Variants in FARS2 observed in about 807,000 individuals in gnomAD.
FARS2 encodes the protein phenylalanine--tRNA ligase, mitochondrial.
In FARS2, 40 loss-of-function variants were observed where a neutral mutation model predicts 46.4. That is an observed-to-expected ratio of 0.86 (90% CI 0.67 to 1.12). The LOEUF (loss-of-function observed/expected upper bound fraction) is 1.12. FARS2 is among the 50% of genes most tolerant of loss of function. FARS2 has a pLI of 0.00. For synonymous variants in FARS2, 234 were observed against 214.9 expected (o/e 1.09, Z -0.78); for missense variants, 513 against 567.9 (o/e 0.90, Z 0.98).
rs555962893 is a variant in FARS2, at chr6:5,745,871, CAG to C, written c.1218-25419_1218-25418del. Among the ~76,000 whole-genome samples the C allele has an allele frequency of 3.2e-3, 482 of 152,234 alleles. 3 individuals are homozygous for C. Among genetic ancestry groups the C allele is most frequent in the African/African-American group, 0.011 (461 of 41,526 alleles). ...TAGATCTTTACAGCCACCTTTATAT[CAG>C]GGGGAGCCCTCTGTGACCCTGTGTG... On this transcript the variant is annotated intron_variant, in intron 6 of 6. Coordinates refer to ENST00000274680, the MANE Select transcript of FARS2 (RefSeq NM_006567.5).
chr6:5,663,033 G>A (rs1046213588), intron 6 of FARS2, among the ~76,000 whole-genome samples: 4 of 152,102 alleles, frequency 2.6e-5, no homozygotes, highest in African/African-American at 9.7e-5. Context: ...CTGCCTCCAC[G>A]TGTTGCAGTT....
At position 5,368,961 on chromosome 6, in the gene FARS2, A is replaced by G; in HGVS notation, c.391A>G (p.Ile131Val). ...CTGGCAGAACTTTGACAGCCTGCTC[A>G]TCCCAGCTGATCACCCCAGCAGGAA... ...TTWQNFDSLL[I>V]PADHPSRKKG... Residue 131 changes from isoleucine to valine, a missense_variant, in exon 2 of 7, where the codon ATC becomes GTC. Physicochemically the swap from Ile to Val is conservative, Grantham distance 29. Coordinates refer to ENST00000274680, the MANE Select transcript of FARS2 (RefSeq NM_006567.5). 1 of 1,614,110 alleles carries G rather than the reference A, an allele frequency of 6.2e-7. No homozygotes were observed. The highest frequency in any genetic ancestry group is 8.5e-7 in the Non-Finnish European group (1 of 1,180,006).
intron 6 of FARS2, among the ~76,000 whole-genome samples, chr6:5,674,977 C>T (rs1326120137): frequency 6.6e-6 from 1 of 152,114 alleles, no homozygotes; most frequent in African/African-American, 2.4e-5. Flanking sequence ...CTGTAGTTTC[C>T]TTTTTACTAC....
At chr6:5,251,136 G>C in the FARS2 span, among the ~76,000 whole-genome samples, 3 of 152,124 alleles carry the variant, frequency 2.0e-5, no homozygotes, top group African/African-American at 7.2e-5. Flanking sequence ...TCTTGTGTTT[G>C]ATTCCACCTA....
chr6:5,325,500 A>G (rs1445215252), intron 1 of FARS2, among the ~76,000 whole-genome samples: 1 of 152,212 alleles, frequency 6.6e-6, no homozygotes, highest in Non-Finnish European at 1.5e-5. Context: ...CCAAGCTTCA[A>G]GCACAAAGAA....
chr6:5,570,533 A>G (rs1772579280), intron 5 of FARS2, among the ~76,000 whole-genome samples: 1 of 152,176 alleles, frequency 6.6e-6, no homozygotes. Flanking sequence ...CCAGTTTTGT[A>G]TGAGTTTCTT....
chr6:5,523,605 A>G (rs1474291122), intron 4 of FARS2, among the ~76,000 whole-genome samples: 5 of 152,196 alleles, frequency 3.3e-5, no homozygotes, highest in African/African-American at 1.2e-4. Flanking sequence ...CAGCCGCTGC[A>G]TCAGACCTTA....
At chr6:5,257,275 C>T (rs1285629245), upstream of FARS2, among the ~76,000 whole-genome samples, 2 of 152,148 alleles carry the variant, frequency 1.3e-5, no homozygotes, top group African/African-American at 2.4e-5. Flanking sequence ...ATCATACTTA[C>T]CTCCCTGGCA....
intron 5 of FARS2, among the ~76,000 whole-genome samples, chr6:5,576,586 ACT>A (rs1772984985): frequency 6.8e-6 from 1 of 146,792 alleles, no homozygotes; most frequent in Non-Finnish European, 1.5e-5. Flanking sequence ...TATGATATAT[ACT>A]CTATATATGA....
chr6:5,436,005 C>G (rs182026864), intron 4 of FARS2, among the ~76,000 whole-genome samples: 1 of 151,930 alleles, frequency 6.6e-6, no homozygotes, highest in Non-Finnish European at 1.5e-5. Context: ...AAGGCTATAG[C>G]GAAGTGAATC....
intron 2 of FARS2, among the ~76,000 whole-genome samples, chr6:5,379,042 C>T (rs184873010): frequency 1.3e-4 from 20 of 152,308 alleles, no homozygotes; most frequent in African/African-American, 4.6e-4. Flanking sequence ...TCATCACTGC[C>T]TTGTAGCAGT....
At chr6:5,622,964 G>T (rs906142011) in intron 6 of FARS2, among the ~76,000 whole-genome samples, 2 of 152,164 alleles carry the variant, frequency 1.3e-5, no homozygotes, top group Admixed American at 6.5e-5. Context: ...ACTGGAAATA[G>T]TTTATGAGAA....
chr6:5,256,714 T>C (rs190014876), upstream of FARS2, among the ~76,000 whole-genome samples: 4 of 152,144 alleles, frequency 2.6e-5, no homozygotes, highest in Admixed American at 2.6e-4. Context: ...CAGAGCCCTG[T>C]GATTAACTAC....
chr6:5,450,692 T>G (rs1464125138), intron 4 of FARS2, among the ~76,000 whole-genome samples: 2 of 12,188 alleles, frequency 1.6e-4, no homozygotes, highest in African/African-American at 4.4e-4. Context: ...GTGTGGGAGG[T>G]AGTGTGCCGC....
At chr6:5,344,559 C>T (rs763515169) in intron 1 of FARS2, among the ~76,000 whole-genome samples, 2 of 152,128 alleles carry the variant, frequency 1.3e-5, no homozygotes, top group Non-Finnish European at 1.5e-5. Flanking sequence ...CTCCTTGAAG[C>T]CTTTGTGTGT....
intron 6 of FARS2, among the ~76,000 whole-genome samples, chr6:5,729,964 C>T (rs558548504): frequency 3.9e-5 from 6 of 152,252 alleles, no homozygotes; most frequent in South Asian, 4.2e-4. Context: ...CAGGAGCAGC[C>T]CCCTGACCCC....
chr6:5,659,593 A>G (rs1371987464), intron 6 of FARS2, among the ~76,000 whole-genome samples: 1 of 152,180 alleles, frequency 6.6e-6, no homozygotes, highest in African/African-American at 2.4e-5. Context: ...CTGTCTCTCC[A>G]TGTATCCATT....
rs200888908 is a variant in FARS2 at position 5,571,399 on chromosome 6, AT to A, written c.1065+26061del. Among the ~76,000 whole-genome samples the A allele has an allele frequency of 6.5e-3, 996 of 152,360 alleles. 12 individuals carry two copies. The highest frequency in any genetic ancestry group is 0.022 in the African/African-American group (928 of 41,590). On this transcript the variant is annotated intron_variant, in intron 5 of 6. Coordinates refer to ENST00000274680, the MANE Select transcript of FARS2 (RefSeq NM_006567.5). The stretch of plus-strand genomic sequence containing the variant: ...GATAATAGCTAATTTAGTGGAAAAG[AT>A]TATTAAATCATATAAAAAAGAAAGC...
At chr6:5,668,916 G>A (rs564718314) in intron 6 of FARS2, among the ~76,000 whole-genome samples, 272 of 151,896 alleles carry the variant, frequency 1.8e-3, no homozygotes, top group Non-Finnish European at 3.1e-3. Context: ...GGCTGGTCTC[G>A]AACTCCTGAC....
Sources: gnomAD v4.1 joint callset for allele counts (sites outside exome capture counted in the v4.1 genomes callset) on GRCh38, gnomAD v4.1.1 for gene constraint, MANE v1.5 for transcripts, NCBI Gene and HGNC (gene_info 2026-07-23, HGNC 2026-07-21) for gene names.